Variants in ADTRP observed in about 807,000 individuals in gnomAD.
ADTRP encodes the protein androgen dependent TFPI regulating protein.
In ADTRP, 20 loss-of-function variants were observed where a neutral mutation model predicts 27.0. That is an observed-to-expected ratio of 0.74 (90% CI 0.52 to 1.08). The LOEUF (loss-of-function observed/expected upper bound fraction) is 1.08. ADTRP is among the 50% of genes least tolerant of loss of function. The pLI, the probability that ADTRP is intolerant of heterozygous loss-of-function variation, is 0.00. For synonymous variants in ADTRP, 101 were observed against 105.2 expected (o/e 0.96, Z 0.25); for missense variants, 251 against 275.0 (o/e 0.91, Z 0.62).
chr6:11,720,280 G>A (rs1415324948), intron 5 of ADTRP, among the ~76,000 whole-genome samples: 1 of 152,116 alleles, frequency 6.6e-6, no homozygotes, highest in African/African-American at 2.4e-5. Flanking sequence ...ACTAGTAGGG[G>A]AACCAGTCAA....
chr6:11,714,650 T>G, intron 5 of ADTRP, 138 bp from the exon 6 acceptor site: 2 of 963,232 alleles, frequency 2.1e-6, no homozygotes, highest in South Asian at 3.4e-5. Context: ...AGATGCAGTT[T>G]AAGGAGTTAT....
chr6:11,767,280 T>A (rs948199928), intron 2 of ADTRP, among the ~76,000 whole-genome samples: 3 of 152,046 alleles, frequency 2.0e-5, no homozygotes, highest in Admixed American at 6.6e-5. Context: ...CTGCAGTGAA[T>A]CGAGATCACA....
intron 2 of ADTRP, 100 bp downstream of exon 2, chr6:11,768,149 G>A (rs2113338475): frequency 7.0e-7 from 1 of 1,438,340 alleles, no homozygotes; most frequent in Non-Finnish European, 9.5e-7. Context: ...CAGTGGGTGT[G>A]GTTTCCAATT....
chr6:11,767,317 A>G (rs1212997522), intron 2 of ADTRP, among the ~76,000 whole-genome samples: 3 of 152,238 alleles, frequency 2.0e-5, no homozygotes, highest in Non-Finnish European at 2.9e-5. Context: ...TGGGCAACAG[A>G]GTGAGACTTT....
At chr6:11,715,195 C>A (rs559906639) in intron 5 of ADTRP, among the ~76,000 whole-genome samples, 43 of 126,936 alleles carry the variant, frequency 3.4e-4, no homozygotes, top group African/African-American at 1.7e-3. Context: ...ACTTTAAAAA[C>A]TTCTCCTCCA....
chr6:11,729,825 C>T (rs541623618), intron 4 of ADTRP, among the ~76,000 whole-genome samples: 23 of 152,278 alleles, frequency 1.5e-4, no homozygotes, highest in African/African-American at 4.6e-4. Context: ...ATACCCAAGA[C>T]GATTACTTTC....
chr6:11,735,741 C>A (rs1384848786), intron 3 of ADTRP, 58 bp from the exon 4 acceptor site: 5 of 1,157,598 alleles, frequency 4.3e-6, no homozygotes, highest in Non-Finnish European at 6.4e-6. Flanking sequence ...CCTACAGTGC[C>A]CATAATTCTC....
At chr6:11,724,467 G>A (rs1417061465) in intron 4 of ADTRP, among the ~76,000 whole-genome samples, 2 of 152,222 alleles carry the variant, frequency 1.3e-5, no homozygotes, top group African/African-American at 4.8e-5. Flanking sequence ...AGTCATTTCT[G>A]GAAGCCGAGA....
Position 11,778,597 on chromosome 6 carries a change from A to G in ADTRP, c.153+10T>C. Reference sequence around the variant, plus strand: ...ATGGATCGGTTCCTGGTACGGACATATGGACTTACCAGATTAAGCAGCGTC... The same window carrying G: ...ATGGATCGGTTCCTGGTACGGACATGTGGACTTACCAGATTAAGCAGCGTC... On this transcript the variant is annotated intron_variant, in intron 1 of 5. Transcript: ENST00000414691. 1 of 1,613,920 alleles carries G rather than the reference A, an allele frequency of 6.2e-7. No individual in the cohort carries two copies. Among genetic ancestry groups the G allele is most frequent in the South Asian group, 1.1e-5 (1 of 91,038 alleles).
chr6:11,749,585 C>A (rs1425631474), intron 3 of ADTRP, among the ~76,000 whole-genome samples: 2 of 151,858 alleles, frequency 1.3e-5, no homozygotes, highest in Non-Finnish European at 2.9e-5. Context: ...AGTGGGGGAT[C>A]CAAGCGGAAA....
chr6:11,774,288 G>A (rs1248202346), intron 1 of ADTRP, among the ~76,000 whole-genome samples: 1 of 127,006 alleles, frequency 7.9e-6, no homozygotes, highest in African/African-American at 2.8e-5. Context: ...CAGCCTGGGG[G>A]AACAGAGAGA....
intron 3 of ADTRP, among the ~76,000 whole-genome samples, chr6:11,744,172 T>C (rs1278879103): frequency 6.6e-6 from 1 of 152,136 alleles, no homozygotes; most frequent in Non-Finnish European, 1.5e-5. Flanking sequence ...CTCTCTTGCC[T>C]CTCTTCTTCT....
At chr6:11,765,027 A>G (rs1407835147) in intron 3 of ADTRP, among the ~76,000 whole-genome samples, 38 of 152,034 alleles carry the variant, frequency 2.5e-4, no homozygotes, top group Admixed American at 2.5e-3. Flanking sequence ...GAGAGGTCAG[A>G]CTTACGTAAG....
chr6:11,715,991 G>A (rs1421388425), intron 5 of ADTRP, among the ~76,000 whole-genome samples: 1 of 151,682 alleles, frequency 6.6e-6, no homozygotes, highest in Non-Finnish European at 1.5e-5. Context: ...CATTTTTGAT[G>A]TGAATTCTCT....
In ADTRP at chr6:11,713,600, C is replaced by T. The variant is rs1327597914; in HGVS notation, c.*878G>A. On this transcript the variant is annotated 3_prime_UTR_variant, in exon 6 of 6. Coordinates refer to ENST00000414691, the MANE Select transcript of ADTRP (RefSeq NM_032744.4). ...AACCACACACTAATTCAGAAAAGTG[C>T]TTTGTAGCAAAGCAATCTCAACAGC... 4 of 152,208 alleles carry T rather than the reference C, an allele frequency of 2.6e-5. No individual in the cohort carries two copies. The highest frequency in any genetic ancestry group is 1.9e-4 in the East Asian group (1 of 5,204). 9.4% of individuals were successfully genotyped at this position (152,208 alleles called of 1,614,324 possible).
intron 4 of ADTRP, among the ~76,000 whole-genome samples, chr6:11,727,659 T>C (rs888661580): frequency 2.6e-5 from 4 of 152,200 alleles, no homozygotes; most frequent in Admixed American, 6.5e-5. Context: ...AGCATAAGGC[T>C]TGTAAAAGAA....
At chr6:11,737,577 C>T (rs1244589670) in intron 3 of ADTRP, among the ~76,000 whole-genome samples, 2 of 152,102 alleles carry the variant, frequency 1.3e-5, no homozygotes, top group Non-Finnish European at 2.9e-5. Flanking sequence ...CACAGATGAC[C>T]AGAAATGGGT....
chr6:11,733,377 G>A (rs552180909), intron 4 of ADTRP, among the ~76,000 whole-genome samples: 1 of 152,182 alleles, frequency 6.6e-6, no homozygotes, highest in Non-Finnish European at 1.5e-5. Flanking sequence ...GTGGATTTAC[G>A]ACCTGGCTTT....
intron 3 of ADTRP, among the ~76,000 whole-genome samples, chr6:11,751,258 A>C (rs552156621): frequency 2.6e-4 from 39 of 152,324 alleles, no homozygotes; most frequent in African/African-American, 9.4e-4. Flanking sequence ...GCTTGCACAA[A>C]AGGCCTTTTC....
Sources: gnomAD v4.1 joint callset for allele counts (sites outside exome capture counted in the v4.1 genomes callset) on GRCh38, gnomAD v4.1.1 for gene constraint, MANE v1.5 for transcripts, NCBI Gene and HGNC (gene_info 2026-07-23, HGNC 2026-07-21) for gene names.